GALK2: variants seen among roughly 807,000 people sequenced by gnomAD.
GALK2 encodes N-acetylgalactosamine kinase.
Under a neutral mutation model 52.4 loss-of-function variants are expected in GALK2, and 36 were observed. That is an observed-to-expected ratio of 0.69 (90% CI 0.53 to 0.91). The LOEUF (loss-of-function observed/expected upper bound fraction) is 0.91, where lower values mean the gene tolerates loss of function less well. Among genes scored for constraint, GALK2 ranks in the 40% least tolerant of loss-of-function variants. GALK2 has a pLI of 0.00. For missense variants in GALK2, 579 were observed against 559.1 expected (o/e 1.04, Z -0.36); for synonymous variants, 176 against 199.1 (o/e 0.88, Z 0.98).
chr15:49,180,059 T>A (rs1277479499), intron 1 of GALK2, among the ~76,000 whole-genome samples: 2 of 152,204 alleles, frequency 1.3e-5, no homozygotes. Context: ...AGCCTCTTGG[T>A]ACTGAAGCAG....
At chr15:49,155,912 T>C in exon 1 of GALK2, 1 of 1,476,814 alleles carries the variant, frequency 6.8e-7, no homozygotes. Context: ...GTCTCCTCCC[T>C]TGCTTGGGAC....
rs769797541 is a variant in GALK2 at position 49,201,572 on chromosome 15, A to G, written c.142+322A>G. Reference sequence around the variant, plus strand: ...TGGTAAGTAGTTTTGATGGTTTTATATTTACTCACTGGGTTAGAGGAGCAC... The same window carrying G: ...TGGTAAGTAGTTTTGATGGTTTTATGTTTACTCACTGGGTTAGAGGAGCAC... On this transcript the variant is annotated intron_variant, in intron 2 of 9. Coordinates refer to ENST00000560031, the MANE Select transcript of GALK2 (RefSeq NM_002044.4). Among the ~76,000 whole-genome samples the G allele has an allele frequency of 3.5e-4, 54 of 152,124 alleles. 1 individual carries two copies. The highest frequency in any genetic ancestry group is 1.8e-3 in the Admixed American group (27 of 15,264).
chr15:49,274,128 A>C (rs1377601695), intron 5 of GALK2, among the ~76,000 whole-genome samples: 4 of 152,220 alleles, frequency 2.6e-5, no homozygotes, highest in African/African-American at 4.8e-5. Context: ...CTGTTGATGC[A>C]CAATTATGCA....
rs2034017684 is a variant in GALK2 at position 49,292,308 on chromosome 15, T to G, written c.757-19T>G. 1.2e-6 allele frequency: 2 copies of G among 1,607,988 alleles called. No individual in the cohort carries two copies. The highest frequency in any genetic ancestry group is 1.3e-5 in the African/African-American group (1 of 74,864). ...AATTCTGAATCAAAACTGACCATTA[T>G]CTTGATTTGAATTTGCAGCTCCTGG... is the stretch of plus-strand genomic sequence containing the variant. On this transcript the variant is annotated intron_variant, in intron 7 of 9. Coordinates refer to ENST00000560031, the MANE Select transcript of GALK2 (RefSeq NM_002044.4).
chr15:49,272,764 A>G (rs1176433676), intron 5 of GALK2, among the ~76,000 whole-genome samples: 1 of 152,058 alleles, frequency 6.6e-6, no homozygotes, highest in Admixed American at 6.6e-5. Context: ...TCTAGAAGAA[A>G]CCTATCATAG....
Position 49,217,178 on chromosome 15 carries a change from T to A in GALK2, c.143-12T>A. On this transcript the variant is annotated splice_polypyrimidine_tract_variant and intron_variant, in intron 2 of 9. Transcript: ENST00000560031. ...ATTAGCAATGATTAAAAAAGCTTTC[T>A]CTTTTTTCTAGGAGAGCATATAGAT... 1 of 1,601,282 alleles carries A rather than the reference T, an allele frequency of 6.2e-7. No individual in the cohort carries two copies. The highest frequency in any genetic ancestry group is 8.5e-7 in the Non-Finnish European group (1 of 1,172,386).
chr15:49,345,376 T>C lies in GALK2; in HGVS notation c.427-22115T>C, dbSNP rs183863210. Among the ~76,000 whole-genome samples, 225 of 152,348 alleles carry C rather than the reference T, an allele frequency of 1.5e-3. 1 individual carries two copies. Among genetic ancestry groups the C allele is most frequent in the Middle Eastern group, 0.01 (3 of 294 alleles). On this transcript the variant is annotated intron_variant, in intron 3 of 3. Transcript: ENST00000558399. Reference sequence around the variant, plus strand: ...AATGAAGTGCTGGGCTGCATGATGTTGGTGTTGACTGAAATCTTAGCATTT... The same window carrying C: ...AATGAAGTGCTGGGCTGCATGATGTCGGTGTTGACTGAAATCTTAGCATTT...
At chr15:49,210,740 CTATTT>C (rs1386399795) in intron 2 of GALK2, among the ~76,000 whole-genome samples, 1 of 151,844 alleles carries the variant, frequency 6.6e-6, no homozygotes, top group Non-Finnish European at 1.5e-5. Flanking sequence ...CGTGCCTGGT[CTATTT>C]TATTTTATTT....
intron 1 of GALK2, among the ~76,000 whole-genome samples, chr15:49,197,181 C>T (rs1367865144): frequency 6.6e-6 from 1 of 152,156 alleles, no homozygotes; most frequent in African/African-American, 2.4e-5. Context: ...TACTTGTTTT[C>T]TTATTGTTTT....
intron 1 of GALK2, among the ~76,000 whole-genome samples, chr15:49,175,154 C>T (rs1595882088): frequency 6.6e-6 from 1 of 152,134 alleles, no homozygotes; most frequent in Non-Finnish European, 1.5e-5. Flanking sequence ...CAGGTTTTAG[C>T]ATTAAAATGA....
At chr15:49,262,610 G>A (rs1208332962) in intron 5 of GALK2, among the ~76,000 whole-genome samples, 1 of 151,864 alleles carries the variant, frequency 6.6e-6, no homozygotes, top group Non-Finnish European at 1.5e-5. Flanking sequence ...CCCTCTGCTA[G>A]CTTTTGAATG....
intron 2 of GALK2, among the ~76,000 whole-genome samples, chr15:49,213,639 A>G (rs1288691816): frequency 1.3e-5 from 2 of 151,770 alleles, no homozygotes; most frequent in African/African-American, 4.8e-5. Context: ...TAATCCATTC[A>G]TCCACTTTGT....
chr15:49,355,608 G>A (rs1208239230), intron 3 of GALK2, among the ~76,000 whole-genome samples: 5 of 152,112 alleles, frequency 3.3e-5, no homozygotes, highest in African/African-American at 4.8e-5. Context: ...CCAAATCTAC[G>A]TCTGACTGGT....
chr15:49,245,157 G>A (rs962922006), intron 5 of GALK2, among the ~76,000 whole-genome samples: 4 of 152,126 alleles, frequency 2.6e-5, no homozygotes, highest in Non-Finnish European at 5.9e-5. Context: ...TAAAGGAAAG[G>A]TGGATGTAAG....
intron 5 of GALK2, among the ~76,000 whole-genome samples, chr15:49,251,930 G>A (rs1188473241): frequency 1.3e-5 from 2 of 151,936 alleles, no homozygotes; most frequent in African/African-American, 4.8e-5. Context: ...ACATATGTTT[G>A]CCCTTTTTGT....
rs2089999357 is a variant in GALK2, at chr15:49,224,296, G to C, written c.266+6983G>C. Reference sequence around the variant, plus strand: ...TTTTCTCTCATTTTGTGAGTTATCTGTTTACTCTGTTGATAGTTTCTTTCG... The same window carrying C: ...TTTTCTCTCATTTTGTGAGTTATCTCTTTACTCTGTTGATAGTTTCTTTCG... On this transcript the variant is annotated intron_variant, in intron 3 of 9. Transcript: ENST00000560031. Among the ~76,000 whole-genome samples, 7 of 152,226 alleles carry C rather than the reference G, an allele frequency of 4.6e-5. No homozygotes were observed. The South Asian group carries it at 1.5e-3, about 32-fold the overall frequency.
chr15:49,209,743 T>G (rs1425294888), intron 2 of GALK2, among the ~76,000 whole-genome samples: 1 of 152,170 alleles, frequency 6.6e-6, no homozygotes, highest in Non-Finnish European at 1.5e-5. Flanking sequence ...TGCCAACATT[T>G]TATTGAGGAT....
At chr15:49,317,249 T>C (rs1280375637) in intron 8 of GALK2, among the ~76,000 whole-genome samples, 3 of 151,920 alleles carry the variant, frequency 2.0e-5, no homozygotes, top group African/African-American at 4.8e-5. Context: ...TACAGACTTT[T>C]TGATATGAAC....
At chr15:49,164,083 A>G (rs989247666) in intron 1 of GALK2, among the ~76,000 whole-genome samples, 5 of 152,218 alleles carry the variant, frequency 3.3e-5, no homozygotes, top group Admixed American at 1.3e-4. Flanking sequence ...GGGACTATTT[A>G]TAGAGATGGA....
Sources: gnomAD v4.1 joint callset for allele counts (sites outside exome capture counted in the v4.1 genomes callset) on GRCh38, gnomAD v4.1.1 for gene constraint, MANE v1.5 for transcripts, NCBI Gene and HGNC (gene_info 2026-07-23, HGNC 2026-07-21) for gene names.